NCOA1: variants seen among roughly 807,000 people sequenced by gnomAD.
NCOA1 encodes the protein nuclear receptor coactivator 1.
In NCOA1, 35 loss-of-function variants were observed where a neutral mutation model predicts 150.9. That is an observed-to-expected ratio of 0.23 (90% CI 0.18 to 0.31). The LOEUF (loss-of-function observed/expected upper bound fraction) is 0.31. NCOA1 is among the 10% of genes least tolerant of loss of function. The pLI is 1.00. For missense variants in NCOA1, 1,491 were observed against 1,749.3 expected (o/e 0.85, Z 2.63); for synonymous variants, 590 against 630.0 (o/e 0.94, Z 0.95).
At chr2:24,518,004 T>C (rs1288515836) in intron 1 of NCOA1, among the ~76,000 whole-genome samples, 1 of 152,174 alleles carries the variant, frequency 6.6e-6, no homozygotes, top group Non-Finnish European at 1.5e-5. Context: ...TTACTATGTG[T>C]TTTTGTTCTT....
intron 1 of NCOA1, among the ~76,000 whole-genome samples, chr2:24,552,339 ATATATATATATATATTTTTTTTTTTTT>A (rs1665871419): frequency 5.0e-5 from 1 of 20,002 alleles, no homozygotes; most frequent in South Asian, 1.8e-3. Context: ...ATATATATAT[ATATATATATATATATTTTTTTTTTTTT>A]TTTTTTTTTT....
At chr2:24,651,898 G>A (rs1279091879) in intron 4 of NCOA1, among the ~76,000 whole-genome samples, 1 of 152,032 alleles carries the variant, frequency 6.6e-6, no homozygotes, top group Non-Finnish European at 1.5e-5. Context: ...ATTTGGTGAG[G>A]TTGTGGAAAA....
chr2:24,542,262 C>T (rs1334633305), intron 1 of NCOA1, among the ~76,000 whole-genome samples: 1 of 52,190 alleles, frequency 1.9e-5, no homozygotes, highest in East Asian at 3.2e-3. Flanking sequence ...TTTAAAAGAA[C>T]TAACCTGATT....
chr2:24,598,009 A>G (rs1667952612), intron 3 of NCOA1, among the ~76,000 whole-genome samples: 2 of 151,938 alleles, frequency 1.3e-5, no homozygotes, highest in South Asian at 2.1e-4. Context: ...TTTCCCACCT[A>G]TGAGTGAGAA....
intron 3 of NCOA1, among the ~76,000 whole-genome samples, chr2:24,634,744 C>G (rs920590131): frequency 5.3e-4 from 72 of 136,644 alleles, no homozygotes; most frequent in African/African-American, 1.9e-3. Flanking sequence ...CAAGACCACA[C>G]TCTTTCGCCT....
intron 1 of NCOA1, among the ~76,000 whole-genome samples, chr2:24,496,765 T>C (rs1663233572): frequency 6.6e-6 from 1 of 152,190 alleles, no homozygotes; most frequent in Non-Finnish European, 1.5e-5. Context: ...TAGTTGGGAA[T>C]AGGGTTTCTT....
At chr2:24,576,257 A>C (rs974170145) in intron 2 of NCOA1, among the ~76,000 whole-genome samples, 1 of 143,900 alleles carries the variant, frequency 6.9e-6, no homozygotes, top group Non-Finnish European at 1.5e-5. Flanking sequence ...GCACTCTCCT[A>C]ACAGCTTGTG....
chr2:24,657,870 C>T (rs1010688430), intron 4 of NCOA1, among the ~76,000 whole-genome samples: 89 of 152,138 alleles, frequency 5.8e-4, no homozygotes, highest in Non-Finnish European at 2.8e-4. Context: ...CTAATAAAAT[C>T]CAAAAGGTAG....
chr2:24,683,100 T>C lies in NCOA1; in HGVS notation c.504T>C (p.Phe168=), dbSNP rs531998303. The C allele has an allele frequency of 2.5e-6, 4 of 1,576,376 alleles. No homozygotes were observed. In the South Asian group the frequency reaches 4.8e-5, roughly 19 times the overall value. ...SILHVGDHAE[F]VKNLLPKSLV... is the part of the protein sequence containing the mutation. ...TGCACGTGGGGGATCATGCAGAATT[T>C]GTGAAGAATCTGCTACCAAAATCAC... Residue 168 remains phenylalanine, a synonymous_variant, in exon 8 of 23, where the codon TTT becomes TTC. Coordinates refer to ENST00000348332, the MANE Select transcript of NCOA1 (RefSeq NM_003743.5).
At chr2:24,716,560 A>C (rs1036708156) in intron 14 of NCOA1, among the ~76,000 whole-genome samples, 1 of 152,196 alleles carries the variant, frequency 6.6e-6, no homozygotes, top group East Asian at 1.9e-4. Flanking sequence ...ACTTATTTTG[A>C]GTTGATCATA....
At chr2:24,723,822 G>A (rs980736518) in intron 14 of NCOA1, among the ~76,000 whole-genome samples, 14 of 152,022 alleles carry the variant, frequency 9.2e-5, no homozygotes, top group African/African-American at 3.4e-4. Flanking sequence ...CACTGTAACT[G>A]CTGTGCAGTT....
chr2:24,726,630 G>A lies in NCOA1; in HGVS notation c.2641G>A (p.Gly881Arg), dbSNP rs1674637089. ...LELEAIDNQF[G>R]QPGTGDQIPW... ...ATTGGAAGCAATTGATAACCAATTT[G>A]GACAACCAGGAACAGGCGATCAGAT... Residue 881 changes from glycine to arginine, a missense_variant, in exon 15 of 23, where the codon GGA (glycine) becomes AGA (arginine). Gly to Arg is a moderately radical substitution (Grantham distance 125). Around this residue, in one of 8 missense-constraint regions of NCOA1, gnomAD observed 703 missense variants for 717.7 expected, o/e 0.98. Transcript: ENST00000348332. 1.9e-6 allele frequency: 3 copies of A among 1,609,524 alleles called. No individual in the cohort carries two copies. Among genetic ancestry groups the A allele is most frequent in the Non-Finnish European group, 2.5e-6 (3 of 1,177,766 alleles).
intron 2 of NCOA1, among the ~76,000 whole-genome samples, chr2:24,572,287 T>G (rs994954430): frequency 6.6e-6 from 1 of 152,178 alleles, no homozygotes; most frequent in African/African-American, 2.4e-5. Flanking sequence ...CTCTGTGTTC[T>G]CTGCAAGGAA....
At chr2:24,645,674 G>A (rs939980050) in intron 4 of NCOA1, among the ~76,000 whole-genome samples, 4 of 152,096 alleles carry the variant, frequency 2.6e-5, no homozygotes, top group African/African-American at 9.7e-5. Flanking sequence ...TAAAATATTT[G>A]CAGTATACTT....
chr2:24,742,962 T>C (rs1663688211), intron 19 of NCOA1, among the ~76,000 whole-genome samples: 1 of 152,220 alleles, frequency 6.6e-6, no homozygotes, highest in Admixed American at 6.5e-5. Flanking sequence ...CAGTCAACTT[T>C]CTGGCTTCCA....
At chr2:24,760,760 C>G (rs187718387) in intron 21 of NCOA1, among the ~76,000 whole-genome samples, 1 of 152,136 alleles carries the variant, frequency 6.6e-6, no homozygotes, top group East Asian at 1.9e-4. Flanking sequence ...CTTCATATTT[C>G]TTATTCTTGG....
chr2:24,548,107 T>C (rs1403574541), intron 1 of NCOA1, among the ~76,000 whole-genome samples: 1 of 152,124 alleles, frequency 6.6e-6, no homozygotes, highest in Non-Finnish European at 1.5e-5. Flanking sequence ...TACTCTGTTT[T>C]CTTACTGCTG....
In NCOA1 at chr2:24,493,588, A is replaced by G. The variant is rs1254586713; in HGVS notation, c.-396+1986A>G. Among the ~76,000 whole-genome samples the G allele has an allele frequency of 2.0e-5, 3 of 150,688 alleles. No homozygotes were observed. The East Asian group carries it at 5.9e-4, about 30-fold the overall frequency. On this transcript the variant is annotated intron_variant, in intron 1 of 22. Transcript: ENST00000348332. The stretch of plus-strand genomic sequence containing the variant: ...AACCAAGAGAGTATTTTAGATCTGC[A>G]GTGGTTTTATTGGAAAAAAAAAAAA...
At chr2:24,707,979 T>C in intron 13 of NCOA1, 91 bp downstream of exon 13, 2 of 1,417,972 alleles carry the variant, frequency 1.4e-6, no homozygotes, top group Non-Finnish European at 1.9e-6. Context: ...TATGAATTCA[T>C]ACTATGTTTT....
Sources: allele counts gnomAD v4.1 joint callset (sites outside exome capture counted in the v4.1 genomes callset), GRCh38; gene constraint gnomAD v4.1.1; regional missense constraint gnomAD v4.1.1; transcripts MANE v1.5; gene names NCBI Gene and HGNC (gene_info 2026-07-23, HGNC 2026-07-21).